WWP2: variants seen among roughly 807,000 people sequenced by gnomAD.
WWP2 encodes NEDD4-like E3 ubiquitin-protein ligase WWP2.
A neutral mutation model predicts 121.0 loss-of-function variants in WWP2; 57 were observed. The observed-to-expected ratio is 0.47, with a 90% CI of 0.38 to 0.59. The LOEUF is 0.59. WWP2 is among the 20% of genes least tolerant of loss of function. The pLI is 0.00. For synonymous variants in WWP2, 449 were observed against 441.3 expected (o/e 1.02, Z -0.22); for missense variants, 962 against 1,158.9 (o/e 0.83, Z 2.47).
chr16:69,831,130 G>A (rs1390114115), intron 4 of WWP2, among the ~76,000 whole-genome samples: 1 of 152,036 alleles, frequency 6.6e-6, no homozygotes, highest in Non-Finnish European at 1.5e-5. Flanking sequence ...ATCTTCATCG[G>A]GCTTCAGAGA....
rs376257136 is a variant in WWP2 at position 69,939,919 on chromosome 16, C to G, written c.2592C>G (p.Thr864=). 1 of 1,613,836 alleles carries G rather than the reference C, an allele frequency of 6.2e-7. No homozygotes were observed. The highest frequency in any genetic ancestry group is 1.3e-5 in the African/African-American group (1 of 75,036). ...REKLLYAIEE[T]EGFGQE The stretch of plus-strand genomic sequence containing the variant: ...AGCTGCTGTATGCCATTGAGGAGAC[C>G]GAGGGCTTTGGACAGGAGTAACCGA... The change falls in exon 24 of 24, where the codon ACC becomes ACG. Residue 864 remains threonine (T), a synonymous_variant. Transcript: ENST00000359154.
At chr16:69,939,689 C>T (rs1266393673) in intron 23 of WWP2, 152 bp from the exon 24 acceptor site, 2 of 745,840 alleles carry the variant, frequency 2.7e-6, no homozygotes, top group Non-Finnish European at 2.1e-6. Context: ...ACCCCATGGT[C>T]CAGGCACCTG....
intron 6 of WWP2, among the ~76,000 whole-genome samples, chr16:69,866,503 G>A (rs74370962): frequency 0.053 from 8,069 of 151,778 alleles, 732 homozygotes; most frequent in African/African-American, 0.18. Flanking sequence ...CCATCATCCC[G>A]CTTTCTCACT....
intron 10 of WWP2, among the ~76,000 whole-genome samples, chr16:69,923,440 A>C (rs1302054267): frequency 6.6e-6 from 1 of 152,128 alleles, no homozygotes; most frequent in African/African-American, 2.4e-5. Context: ...AAAGGCAAGG[A>C]TTCAGAAAAG....
At chr16:69,929,748 C>T (rs369233171) in intron 12 of WWP2, among the ~76,000 whole-genome samples, 27 of 152,264 alleles carry the variant, frequency 1.8e-4, no homozygotes, top group Non-Finnish European at 2.8e-4. Context: ...GGATGGAGGG[C>T]GGCCCGGCTG....
chr16:69,854,645 G>T (rs1410527935), intron 6 of WWP2, among the ~76,000 whole-genome samples: 1 of 152,058 alleles, frequency 6.6e-6, no homozygotes, highest in African/African-American at 2.4e-5. Flanking sequence ...CTGCCTTCTG[G>T]GTTCAAGCAG....
intron 6 of WWP2, among the ~76,000 whole-genome samples, chr16:69,864,436 GAAACTGCC>G (rs2057481852): frequency 6.6e-6 from 1 of 152,136 alleles, no homozygotes; most frequent in South Asian, 2.1e-4. Flanking sequence ...AACTTTATAA[GAAACTGCC>G]AAACAGTTTA....
chr16:69,876,544 A>G (rs1048882385), intron 7 of WWP2, among the ~76,000 whole-genome samples: 1 of 151,618 alleles, frequency 6.6e-6, no homozygotes, highest in African/African-American at 2.4e-5. Flanking sequence ...TTTGTATTTT[A>G]GTAGAGACAG....
intron 4 of WWP2, among the ~76,000 whole-genome samples, chr16:69,835,762 C>A (rs756438564): frequency 2.0e-5 from 3 of 151,958 alleles, no homozygotes; most frequent in Non-Finnish European, 2.9e-5. Context: ...TCTACTCTTG[C>A]GTCTCCCAAG....
At chr16:69,772,279 G>T (rs2055434442) in intron 1 of WWP2, among the ~76,000 whole-genome samples, 1 of 152,088 alleles carries the variant, frequency 6.6e-6, no homozygotes, top group Non-Finnish European at 1.5e-5. Context: ...TGGTTGAACT[G>T]GGTGGGGAGG....
intron 1 of WWP2, among the ~76,000 whole-genome samples, chr16:69,782,382 G>C (rs907756030): frequency 3.9e-5 from 6 of 152,138 alleles, no homozygotes; most frequent in African/African-American, 1.4e-4. Flanking sequence ...GGTTGAGGAC[G>C]GGGCAGGAGC....
chr16:69,938,176 A>G (rs1275612576), intron 21 of WWP2, among the ~76,000 whole-genome samples: 2 of 151,996 alleles, frequency 1.3e-5, no homozygotes, highest in Non-Finnish European at 2.9e-5. Flanking sequence ...ACAATTAACT[A>G]TTAATTTTTT....
intron 10 of WWP2, among the ~76,000 whole-genome samples, chr16:69,921,275 G>A (rs1159154551): frequency 1.3e-5 from 2 of 152,166 alleles, no homozygotes; most frequent in Non-Finnish European, 2.9e-5. Context: ...CAAGTAAGAA[G>A]GGTTGCTTTC....
At chr16:69,778,384 C>T (rs879528607) in intron 1 of WWP2, among the ~76,000 whole-genome samples, 3 of 151,896 alleles carry the variant, frequency 2.0e-5, no homozygotes, top group Non-Finnish European at 2.9e-5. Context: ...TATGCTCACT[C>T]AGAGTTTTGG....
intron 8 of WWP2, among the ~76,000 whole-genome samples, chr16:69,906,847 TC>T (rs200211230): frequency 0.017 from 2,606 of 151,850 alleles, 74 homozygotes; most frequent in African/African-American, 0.059. Context: ...ACCACCACAC[TC>T]CAGCTCGGGC....
intron 4 of WWP2, among the ~76,000 whole-genome samples, chr16:69,818,760 C>T (rs1196090451): frequency 1.3e-5 from 2 of 152,044 alleles, no homozygotes; most frequent in Non-Finnish European, 2.9e-5. Context: ...CTCCCTTGCT[C>T]GTTTTTCTCT....
At chr16:69,852,672 T>G (rs1211672569) in intron 6 of WWP2, among the ~76,000 whole-genome samples, 1 of 58,816 alleles carries the variant, frequency 1.7e-5, no homozygotes, top group Admixed American at 2.5e-4. Context: ...AAAATCTGGT[T>G]GTTCATGTTC....
At chr16:69,767,540 G>A (rs1333654274) in intron 1 of WWP2, among the ~76,000 whole-genome samples, 1 of 152,146 alleles carries the variant, frequency 6.6e-6, no homozygotes, top group Non-Finnish European at 1.5e-5. Context: ...GGCAGAAAGG[G>A]AATTTACCAG....
intron 18 of WWP2, 137 bp from the exon 19 acceptor site, chr16:69,936,175 T>C: frequency 6.9e-7 from 1 of 1,455,190 alleles, no homozygotes; most frequent in Non-Finnish European, 9.3e-7. Context: ...TCTCCTTGAG[T>C]CAAGGAGCTG....
Sources: allele counts gnomAD v4.1 joint callset (sites outside exome capture counted in the v4.1 genomes callset), GRCh38; gene constraint gnomAD v4.1.1; transcripts MANE v1.5; gene names NCBI Gene and HGNC (gene_info 2026-07-23, HGNC 2026-07-21).